Variants in GPR176 observed in about 807,000 individuals in gnomAD.
GPR176 encodes G protein-coupled receptor 176.
In GPR176, 26 loss-of-function variants were observed where a neutral mutation model predicts 35.4. The observed-to-expected ratio is 0.74, with a 90% CI of 0.54 to 1.02. The LOEUF is 1.02. Among genes scored for constraint, GPR176 ranks in the 50% least tolerant of loss-of-function variants. The probability of loss-of-function intolerance (pLI) is 0.00; values close to 1 mark genes in which losing one functional copy is unlikely to be tolerated. For missense variants in GPR176, 597 were observed against 665.3 expected, an observed-to-expected ratio of 0.90 and a Z score of 1.13; for synonymous variants, 278 against 271.3, an observed-to-expected ratio of 1.02 and a Z score of -0.24.
intron 1 of GPR176, among the ~76,000 whole-genome samples, chr15:39,885,425 T>G (rs998002813): frequency 1.3e-5 from 2 of 152,210 alleles, no homozygotes; most frequent in Non-Finnish European, 2.9e-5. Flanking sequence ...CCCACCTCCT[T>G]GCTCTACCCC....
chr15:39,824,656 A>G, intron 1 of GPR176, among the ~76,000 whole-genome samples: 1 of 152,212 alleles, frequency 6.6e-6, no homozygotes, highest in East Asian at 1.9e-4. Context: ...AACCATGAAC[A>G]CTAAATATGT....
chr15:39,822,845 T>C (rs1464205737), intron 1 of GPR176, among the ~76,000 whole-genome samples: 1 of 152,220 alleles, frequency 6.6e-6, no homozygotes, highest in Non-Finnish European at 1.5e-5. Flanking sequence ...TAAGTAGCTG[T>C]TGGAAACACC....
intron 1 of GPR176, chr15:39,909,880 T>C: frequency 1.0e-6 from 1 of 976,392 alleles, no homozygotes; most frequent in Non-Finnish European, 1.2e-6. Flanking sequence ...ACCTGTTGTA[T>C]ATTTCATTTG....
chr15:39,818,214 C>T (rs1900043783), intron 1 of GPR176, among the ~76,000 whole-genome samples: 1 of 152,190 alleles, frequency 6.6e-6, no homozygotes. Context: ...TAAACTAATA[C>T]CTGCCCAACT....
intron 1 of GPR176, among the ~76,000 whole-genome samples, chr15:39,809,068 A>G (rs1010691305): frequency 2.6e-5 from 4 of 152,228 alleles, no homozygotes; most frequent in African/African-American, 9.6e-5. Flanking sequence ...GGGTTTTATT[A>G]GCATTTACAT....
intron 1 of GPR176, among the ~76,000 whole-genome samples, chr15:39,907,841 C>T (rs1311229124): frequency 1.3e-5 from 2 of 151,904 alleles, no homozygotes; most frequent in Non-Finnish European, 2.9e-5. Context: ...ATGTTTAGGC[C>T]GGGCATGGTG....
chr15:39,848,493 C>G lies in GPR176; in HGVS notation c.173-41235G>C, dbSNP rs768263929. On this transcript the variant is annotated intron_variant, in intron 1 of 2. Transcript: ENST00000561100. ...ATTGACATTTATAGAACATACCGCC[C>G]AGCAACAGGAGAATATACATTATTT... is the stretch of plus-strand genomic sequence containing the variant. Among the ~76,000 whole-genome samples the G allele has an allele frequency of 8.6e-5, 13 of 151,992 alleles. 1 individual carries two copies. The highest frequency in any genetic ancestry group is 1.5e-4 in the Non-Finnish European group (10 of 67,996).
chr15:39,903,840 G>A (rs970211535), intron 1 of GPR176, among the ~76,000 whole-genome samples: 7 of 152,266 alleles, frequency 4.6e-5, no homozygotes, highest in South Asian at 2.1e-4. Context: ...CTTGGGTCTC[G>A]TGCAAGGAAG....
chr15:39,814,270 T>C (rs1441022885), intron 1 of GPR176, among the ~76,000 whole-genome samples: 1 of 152,256 alleles, frequency 6.6e-6, no homozygotes, highest in Admixed American at 6.5e-5. Flanking sequence ...ATTATATCTC[T>C]TAACCACTCA....
At chr15:39,823,138 A>G (rs114995649) in intron 1 of GPR176, among the ~76,000 whole-genome samples, 3,286 of 152,116 alleles carry the variant, frequency 0.022, 124 homozygotes, top group African/African-American at 0.075. Context: ...GACCCTTCTC[A>G]TGCTATCCTC....
At chr15:39,844,204 G>A (rs1030560100) in intron 1 of GPR176, among the ~76,000 whole-genome samples, 1 of 151,986 alleles carries the variant, frequency 6.6e-6, no homozygotes. Flanking sequence ...TCAAATGTCC[G>A]GATTCATGAA....
At chr15:39,851,284 A>T (rs1190001192) in intron 1 of GPR176, among the ~76,000 whole-genome samples, 1 of 152,170 alleles carries the variant, frequency 6.6e-6, no homozygotes, top group East Asian at 1.9e-4. Context: ...CAGTACTTTG[A>T]ATAAAATCTA....
At chr15:39,871,863 T>C (rs1298753134) in intron 1 of GPR176, among the ~76,000 whole-genome samples, 1 of 152,210 alleles carries the variant, frequency 6.6e-6, no homozygotes, top group African/African-American at 2.4e-5. Context: ...GCACATACAT[T>C]CATCTAATGT....
intron 1 of GPR176, among the ~76,000 whole-genome samples, chr15:39,879,473 C>T (rs981340044): frequency 4.6e-5 from 7 of 152,212 alleles, no homozygotes; most frequent in Non-Finnish European, 7.3e-5. Context: ...ATTAATGCCA[C>T]CACACTTCAC....
intron 1 of GPR176, among the ~76,000 whole-genome samples, chr15:39,883,470 C>T (rs775044893): frequency 1.2e-4 from 19 of 152,242 alleles, no homozygotes; most frequent in Admixed American, 2.6e-4. Flanking sequence ...GGTATACACT[C>T]GTGAAACCAT....
At chr15:39,840,253 C>G (rs1364124899) in intron 1 of GPR176, among the ~76,000 whole-genome samples, 2 of 152,076 alleles carry the variant, frequency 1.3e-5, no homozygotes, top group African/African-American at 4.8e-5. Context: ...CAATGATAGA[C>G]TAGATTAAGA....
intron 1 of GPR176, among the ~76,000 whole-genome samples, chr15:39,870,565 C>A (rs1369885): frequency 0.41 from 61,841 of 151,978 alleles, 12,627 homozygotes; most frequent in East Asian, 0.49. Context: ...AACCAGAAAA[C>A]TAACAAAATG....
At position 39,901,623 on chromosome 15, in the gene GPR176, T is replaced by G. The variant is rs573093756; in HGVS notation, c.172+18232A>C. ...GACCTTAGCACTTATCTTAAACAGC[T>G]TTTTCCCTTCCCAACTCTCCTGGCA... On this transcript the variant is annotated intron_variant, in intron 1 of 2. Transcript: ENST00000561100. 5.3e-5 allele frequency among the ~76,000 whole-genome samples: 8 copies of G among 152,306 alleles called. No homozygotes were observed. The South Asian group carries it at 1.7e-3, about 32-fold the overall frequency.
In GPR176 at chr15:39,800,363, AAGAC is replaced by A. The variant is rs1002959053; in HGVS notation, c.*765_*768del. 3.9e-5 allele frequency: 6 copies of A among 152,246 alleles called. No homozygotes were observed. Among genetic ancestry groups the A allele is most frequent in the Non-Finnish European group, 7.3e-5 (5 of 68,046 alleles). 9.4% of individuals were successfully genotyped at this position (152,246 alleles called of 1,614,324 possible). On this transcript the variant is annotated 3_prime_UTR_variant, in exon 3 of 3. Transcript: ENST00000561100. ...GTTGAGAAAACACAATTTAAGGTGAAAGACAGAGCGAAGACTTTTCAGTGTTTTC... is the reference window on the plus strand; with the variant it reads ...GTTGAGAAAACACAATTTAAGGTGAAAGAGCGAAGACTTTTCAGTGTTTTC...
Sources: gnomAD v4.1 joint callset for allele counts (sites outside exome capture counted in the v4.1 genomes callset) on GRCh38, gnomAD v4.1.1 for gene constraint, MANE v1.5 for transcripts, NCBI Gene and HGNC (gene_info 2026-07-23, HGNC 2026-07-21) for gene names.